Variants in PSD3 observed in about 807,000 individuals in gnomAD.
PSD3 encodes PH and SEC7 domain-containing protein 3.
A neutral mutation model predicts 105.5 loss-of-function variants in PSD3; 49 were observed. That is an observed-to-expected ratio of 0.46 (90% CI 0.37 to 0.59). The LOEUF (loss-of-function observed/expected upper bound fraction) is 0.59. Ranked by LOEUF, PSD3 falls within the 20% of genes least tolerant of loss-of-function variation. The pLI is 0.00. For synonymous variants in PSD3, 557 were observed against 457.8 expected (o/e 1.22, Z -2.77); for missense variants, 1,561 against 1,263.8 (o/e 1.24, Z -3.57).
chr8:18,940,469 T>C (rs1009022794), intron 1 of PSD3: 23 of 152,198 alleles, frequency 1.5e-4, no homozygotes, highest in Admixed American at 1.2e-3. Context: ...GAAACATTTT[T>C]TAAAAGGGAC....
At chr8:18,599,002 C>T (rs1408448811) in intron 12 of PSD3, among the ~76,000 whole-genome samples, 1 of 151,856 alleles carries the variant, frequency 6.6e-6, no homozygotes, top group East Asian at 1.9e-4. Flanking sequence ...TCAATAAAAT[C>T]CCTGTGAATA....
chr8:18,553,581 C>T (rs1269726348), intron 15 of PSD3, among the ~76,000 whole-genome samples: 1 of 152,128 alleles, frequency 6.6e-6, no homozygotes, highest in African/African-American at 2.4e-5. Context: ...TGCTATGAAG[C>T]GGCCTGCTCA....
intron 4 of PSD3, among the ~76,000 whole-genome samples, chr8:18,817,932 T>A (rs1812349569): frequency 6.6e-6 from 1 of 152,158 alleles, no homozygotes; most frequent in African/African-American, 2.4e-5. Flanking sequence ...CTAAATAGAT[T>A]ATATGCATTA....
chr8:18,980,114 C>T (rs1468781359), intron 1 of PSD3, among the ~76,000 whole-genome samples: 1 of 152,224 alleles, frequency 6.6e-6, no homozygotes, highest in Admixed American at 6.5e-5. Context: ...AATGTACACA[C>T]ATGATAAATG....
chr8:18,574,104 T>C (rs372395683), intron 13 of PSD3, among the ~76,000 whole-genome samples: 1 of 152,054 alleles, frequency 6.6e-6, no homozygotes, highest in South Asian at 2.1e-4. Context: ...ATGGTAGAAA[T>C]GATCATGAAT....
intron 2 of PSD3, among the ~76,000 whole-genome samples, chr8:18,902,925 G>A (rs890916566): frequency 6.6e-6 from 1 of 152,152 alleles, no homozygotes; most frequent in African/African-American, 2.4e-5. Flanking sequence ...ATTTCTCTAG[G>A]TGTCAGGTCT....
rs1442907661 is a variant in PSD3, at chr8:18,763,231, T to G, written c.2172+2218A>C. On this transcript the variant is annotated intron_variant, in intron 9 of 15. Coordinates refer to ENST00000327040, the MANE Select transcript of PSD3 (RefSeq NM_015310.4). Reference sequence around the variant, plus strand: ...CCTCAGTTTATGTAACTTTAAGCTTTTTTAATATTGAATCTAGCAGTTTCT... The same window carrying G: ...CCTCAGTTTATGTAACTTTAAGCTTGTTTAATATTGAATCTAGCAGTTTCT... 2.0e-5 allele frequency among the ~76,000 whole-genome samples: 3 copies of G among 152,240 alleles called. No individual in the cohort carries two copies. In the South Asian group the frequency reaches 6.2e-4, roughly 32 times the overall value.
chr8:18,754,899 T>A (rs1019463898), intron 9 of PSD3, among the ~76,000 whole-genome samples: 2 of 152,280 alleles, frequency 1.3e-5, no homozygotes, highest in Admixed American at 1.3e-4. Context: ...ATTGGCTAAG[T>A]AAATACCATG....
Position 19,078,823 on chromosome 8 carries a change from T to C in PSD3, c.324+5383A>G, listed in dbSNP as rs1388113578. Among the ~76,000 whole-genome samples, 4 of 151,272 alleles carry C rather than the reference T, an allele frequency of 2.6e-5. No individual in the cohort carries two copies. In the East Asian group the frequency reaches 7.9e-4, roughly 30 times the overall value. On this transcript the variant is annotated intron_variant, in intron 1 of 1. Transcript: ENST00000521475. ...GTGGTGCTGGTCAAATTCCTCCCTG[T>C]GGAGTAGGGAGATGAGCAAGCAGAT...
intron 1 of PSD3, among the ~76,000 whole-genome samples, chr8:19,082,094 T>C (rs1427315580): frequency 6.6e-6 from 1 of 152,198 alleles, no homozygotes; most frequent in Non-Finnish European, 1.5e-5. Flanking sequence ...CACACACTCA[T>C]CTTTCAAGTC....
At chr8:19,065,397 T>G (rs1349333252) in intron 1 of PSD3, among the ~76,000 whole-genome samples, 2 of 152,142 alleles carry the variant, frequency 1.3e-5, no homozygotes, top group South Asian at 4.1e-4. Context: ...TACCTGGAGA[T>G]AGCGTCAGAT....
chr8:19,069,283 T>A (rs986160047), intron 1 of PSD3, among the ~76,000 whole-genome samples: 16 of 152,206 alleles, frequency 1.1e-4, no homozygotes, highest in Non-Finnish European at 7.3e-5. Flanking sequence ...TGGGATCCCC[T>A]GGCCTACAAA....
chr8:18,762,730 C>T (rs1290320526), intron 9 of PSD3, among the ~76,000 whole-genome samples: 2 of 152,186 alleles, frequency 1.3e-5, no homozygotes, highest in Admixed American at 1.3e-4. Context: ...CCCTTCAATA[C>T]AGTATAAGGC....
intron 9 of PSD3, chr8:18,733,758 A>G (rs910651725): frequency 6.5e-6 from 1 of 152,680 alleles, no homozygotes; most frequent in Non-Finnish European, 1.5e-5. Context: ...TCTTCCAGCT[A>G]CAGATGTTAA....
At chr8:18,544,554 G>T (rs899873249) in intron 15 of PSD3, among the ~76,000 whole-genome samples, 1 of 151,976 alleles carries the variant, frequency 6.6e-6, no homozygotes, top group African/African-American at 2.4e-5. Flanking sequence ...GGCTTTCTGG[G>T]AAATCCAAAG....
At chr8:18,645,285 C>T (rs1440687785) in intron 10 of PSD3, among the ~76,000 whole-genome samples, 1 of 152,144 alleles carries the variant, frequency 6.6e-6, no homozygotes, top group Non-Finnish European at 1.5e-5. Flanking sequence ...ATACCAAAAT[C>T]CAGAAGATTA....
At chr8:19,068,279 T>C (rs1829142300) in intron 1 of PSD3, among the ~76,000 whole-genome samples, 1 of 151,236 alleles carries the variant, frequency 6.6e-6, no homozygotes, top group African/African-American at 2.4e-5. Flanking sequence ...CTCGCTCTAC[T>C]CTTCCTCCTC....
intron 9 of PSD3, among the ~76,000 whole-genome samples, chr8:18,724,512 C>G (rs1343779731): frequency 6.6e-6 from 1 of 151,938 alleles, no homozygotes; most frequent in Non-Finnish European, 1.5e-5. Flanking sequence ...TGAGAAGAAG[C>G]TGAGGCAGGA....
intron 9 of PSD3, among the ~76,000 whole-genome samples, chr8:18,698,698 T>C (rs1801402571): frequency 6.6e-6 from 1 of 152,170 alleles, no homozygotes; most frequent in Non-Finnish European, 1.5e-5. Flanking sequence ...ACAGTAGCAA[T>C]AGCAAACAGA....
Sources: gnomAD v4.1 joint callset for allele counts (sites outside exome capture counted in the v4.1 genomes callset) on GRCh38, gnomAD v4.1.1 for gene constraint, MANE v1.5 for transcripts, NCBI Gene and HGNC (gene_info 2026-07-23, HGNC 2026-07-21) for gene names.